Variants in CCBE1 observed in about 807,000 individuals in gnomAD.
CCBE1 encodes collagen and calcium binding EGF domains 1.
Under a neutral mutation model 50.0 loss-of-function variants are expected in CCBE1, and 37 were observed. The ratio of observed to expected loss-of-function variants is 0.74; its 90% CI spans 0.57 to 0.97. The LOEUF is 0.97. CCBE1 is among the 50% of genes least tolerant of loss of function. The probability of loss-of-function intolerance (pLI) is 0.00; values close to 1 mark genes in which losing one functional copy is unlikely to be tolerated. For synonymous variants in CCBE1, 234 were observed against 203.7 expected, an observed-to-expected ratio of 1.15 and a Z score of -1.27; for missense variants, 538 against 523.8, an observed-to-expected ratio of 1.03 and a Z score of -0.26.
At position 59,502,680 on chromosome 18, in the gene CCBE1, C is replaced by T. The variant is rs1382446183; in HGVS notation, c.213-22442G>A. Among the ~76,000 whole-genome samples, 9 of 151,772 alleles carry T rather than the reference C, an allele frequency of 5.9e-5. 1 individual carries two copies. The highest frequency in any genetic ancestry group is 1.3e-4 in the Non-Finnish European group (9 of 67,990). On this transcript the variant is annotated intron_variant, in intron 2 of 10. Coordinates refer to ENST00000439986, the MANE Select transcript of CCBE1 (RefSeq NM_133459.4). ...GTTTTGGCTTTGTGGATCTAATTTCCTCCCCCTCCCCCCGCAAAAAAAAAG... is the reference window on the plus strand; with the variant it reads ...GTTTTGGCTTTGTGGATCTAATTTCTTCCCCCTCCCCCCGCAAAAAAAAAG...
intron 2 of CCBE1, among the ~76,000 whole-genome samples, chr18:59,610,604 G>A (rs557698638): frequency 3.7e-4 from 56 of 152,324 alleles, no homozygotes; most frequent in Middle Eastern, 3.4e-3. Flanking sequence ...CTCCTTTTCA[G>A]AAGGGCTCAT....
chr18:59,467,296 G>A (rs1911796455), intron 4 of CCBE1, among the ~76,000 whole-genome samples: 1 of 152,136 alleles, frequency 6.6e-6, no homozygotes, highest in Non-Finnish European at 1.5e-5. Flanking sequence ...ATGATTTTTT[G>A]TGAGTGCCCT....
chr18:59,664,926 T>G (rs1864307), intron 2 of CCBE1, among the ~76,000 whole-genome samples: 57,670 of 152,034 alleles, frequency 0.38, 11,729 homozygotes, highest in African/African-American at 0.51. Context: ...GAAGTAAAGT[T>G]AAAGACTGAT....
In CCBE1 at chr18:59,642,295, C is replaced by T. The variant is rs1019682908; in HGVS notation, c.212+54334G>A. Among the ~76,000 whole-genome samples, 6 of 152,254 alleles carry T rather than the reference C, an allele frequency of 3.9e-5. No homozygotes were observed. The East Asian group carries it at 1.2e-3, about 29-fold the overall frequency. Reference sequence around the variant, plus strand: ...AATGCAAATTAAAACTCCAAAGATACCATTTTATACCCACATGGAAAAAAT... The same window carrying T: ...AATGCAAATTAAAACTCCAAAGATATCATTTTATACCCACATGGAAAAAAT... On this transcript the variant is annotated intron_variant, in intron 2 of 10. Coordinates refer to ENST00000439986, the MANE Select transcript of CCBE1 (RefSeq NM_133459.4).
At chr18:59,653,726 A>G (rs1368049200) in intron 2 of CCBE1, among the ~76,000 whole-genome samples, 1 of 152,236 alleles carries the variant, frequency 6.6e-6, no homozygotes, top group Admixed American at 6.5e-5. Flanking sequence ...GCTGACATCC[A>G]GGGGTTAAAT....
chr18:59,449,535 C>G (rs4602129), intron 6 of CCBE1, among the ~76,000 whole-genome samples: 1 of 151,036 alleles, frequency 6.6e-6, no homozygotes, highest in Non-Finnish European at 1.5e-5. Flanking sequence ...GGCAGGAGAA[C>G]TGCTTGGACC....
chr18:59,443,783 T>C (rs1294938237), intron 7 of CCBE1, among the ~76,000 whole-genome samples: 2 of 152,164 alleles, frequency 1.3e-5, no homozygotes, highest in Non-Finnish European at 2.9e-5. Flanking sequence ...CTTAACTATT[T>C]TTTAAATGTA....
intron 2 of CCBE1, among the ~76,000 whole-genome samples, chr18:59,684,868 A>G (rs766184183): frequency 1.7e-4 from 26 of 152,310 alleles, no homozygotes; most frequent in Non-Finnish European, 3.2e-4. Context: ...GCCCGTAAGA[A>G]GCCTTTTGTT....
intron 2 of CCBE1, among the ~76,000 whole-genome samples, chr18:59,631,076 A>C (rs543969613): frequency 6.6e-6 from 1 of 152,250 alleles, no homozygotes; most frequent in East Asian, 1.9e-4. Flanking sequence ...CTGTCATCTC[A>C]TGCGATTCAG....
chr18:59,606,795 A>C (rs1420749094), intron 2 of CCBE1, among the ~76,000 whole-genome samples: 1 of 152,248 alleles, frequency 6.6e-6, no homozygotes, highest in Admixed American at 6.5e-5. Context: ...TATTTGCAAC[A>C]CGAATGCTAT....
At chr18:59,463,764 T>C (rs1177715244) in intron 5 of CCBE1, among the ~76,000 whole-genome samples, 1 of 152,176 alleles carries the variant, frequency 6.6e-6, no homozygotes, top group Non-Finnish European at 1.5e-5. Context: ...TCCCGGTGAT[T>C]ATGCTCAAGC....
At chr18:59,587,336 C>T (rs1168270992) in intron 2 of CCBE1, among the ~76,000 whole-genome samples, 1 of 152,142 alleles carries the variant, frequency 6.6e-6, no homozygotes, top group Non-Finnish European at 1.5e-5. Flanking sequence ...AAGTGTAACA[C>T]TGAAAACAAT....
intron 2 of CCBE1, among the ~76,000 whole-genome samples, chr18:59,566,818 A>G (rs538067668): frequency 6.6e-6 from 1 of 152,328 alleles, no homozygotes; most frequent in Admixed American, 6.5e-5. Flanking sequence ...CCCCCAAGAA[A>G]AAAAATGATG....
intron 2 of CCBE1, among the ~76,000 whole-genome samples, chr18:59,524,741 G>A (rs1443053139): frequency 1.5e-5 from 2 of 137,712 alleles, no homozygotes; most frequent in African/African-American, 5.5e-5. Flanking sequence ...TATTTATCCT[G>A]ATGCTCTCCC....
chr18:59,612,097 G>T (rs1172322029), intron 2 of CCBE1, among the ~76,000 whole-genome samples: 2 of 152,154 alleles, frequency 1.3e-5, no homozygotes, highest in African/African-American at 4.8e-5. Flanking sequence ...ATAGAGAATG[G>T]TGTCTCAGTC....
chr18:59,644,546 A>G (rs2144652778), intron 2 of CCBE1, among the ~76,000 whole-genome samples: 1 of 152,366 alleles, frequency 6.6e-6, no homozygotes, highest in East Asian at 1.9e-4. Context: ...CCATTACTTC[A>G]GAACCACCAC....
At chr18:59,633,383 T>C (rs536685171) in intron 2 of CCBE1, among the ~76,000 whole-genome samples, 2 of 152,390 alleles carry the variant, frequency 1.3e-5, no homozygotes, top group Non-Finnish European at 2.9e-5. Flanking sequence ...GCTCTGAGAA[T>C]CACTGCAGAT....
At chr18:59,500,287 C>T (rs954640422) in intron 2 of CCBE1, among the ~76,000 whole-genome samples, 4 of 152,152 alleles carry the variant, frequency 2.6e-5, no homozygotes, top group African/African-American at 7.2e-5. Context: ...GTCTGGGAGA[C>T]CTCTGTTAAT....
chr18:59,438,031 C>G, intron 10 of CCBE1, 80 bp downstream of exon 10: 1 of 1,477,166 alleles, frequency 6.8e-7, no homozygotes, highest in South Asian at 1.2e-5. Context: ...GCTTTTGCTA[C>G]TAGACCAACC....
Sources: allele counts gnomAD v4.1 joint callset (sites outside exome capture counted in the v4.1 genomes callset), GRCh38; gene constraint gnomAD v4.1.1; transcripts MANE v1.5; gene names NCBI Gene and HGNC (gene_info 2026-07-23, HGNC 2026-07-21).